The following RNLS variants were observed in gnomAD, a reference collection of about 807,000 sequenced individuals.
The protein encoded by RNLS is renalase, FAD dependent amine oxidase.
A neutral mutation model predicts 39.8 loss-of-function variants in RNLS; 39 were observed. The observed-to-expected ratio is 0.98, with a 90% CI of 0.76 to 1.28. The LOEUF (loss-of-function observed/expected upper bound fraction) is 1.28. Ranked by LOEUF, RNLS falls within the 50% of genes most tolerant of loss-of-function variation. The pLI is 0.00. For synonymous variants in RNLS, 147 were observed against 150.7 expected (o/e 0.98, Z 0.18); for missense variants, 410 against 413.3 (o/e 0.99, Z 0.07).
At chr10:88,541,680 C>T (rs1848050566) in intron 4 of RNLS, among the ~76,000 whole-genome samples, 1 of 152,156 alleles carries the variant, frequency 6.6e-6, no homozygotes, top group South Asian at 2.1e-4. Context: ...AGACAGTTGA[C>T]TCTACCAATG....
intron 5 of RNLS, among the ~76,000 whole-genome samples, chr10:88,334,493 A>G (rs1679908451): frequency 6.6e-6 from 1 of 152,144 alleles, no homozygotes; most frequent in Admixed American, 6.5e-5. Context: ...CCAACCTATC[A>G]AGCCTGACTC....
chr10:88,398,681 A>C (rs2133623551), intron 4 of RNLS, among the ~76,000 whole-genome samples: 1 of 152,142 alleles, frequency 6.6e-6, no homozygotes, highest in African/African-American at 2.4e-5. Context: ...CAAAAACTAT[A>C]AGACTCTTAG....
rs573329734 is a variant in RNLS at position 88,316,151 on chromosome 10, C to T, written c.701-1510G>A. ...ATATACGAGGTGAGGGACCTGAATT[C>T]AGAATTTGTGCAGTAAATGCAATGG... On this transcript the variant is annotated intron_variant, in intron 5 of 6. Coordinates refer to ENST00000331772, the MANE Select transcript of RNLS (RefSeq NM_001031709.3). Among the ~76,000 whole-genome samples, 28 of 152,250 alleles carry T rather than the reference C, an allele frequency of 1.8e-4. No homozygotes were observed. The East Asian group carries it at 5.0e-3, about 27-fold the overall frequency.
downstream of RNLS, among the ~76,000 whole-genome samples, chr10:88,269,823 T>C (rs1183986649): frequency 1.3e-5 from 2 of 152,196 alleles, no homozygotes; most frequent in Non-Finnish European, 2.9e-5. Flanking sequence ...TCTATGACTA[T>C]AGCACAGTTT....
intron 4 of RNLS, among the ~76,000 whole-genome samples, chr10:88,516,227 T>C (rs181986622): frequency 9.9e-4 from 150 of 152,002 alleles, no homozygotes; most frequent in Middle Eastern, 3.4e-3. Flanking sequence ...TTAGAAGATA[T>C]AGAAGGAAAA....
At position 88,583,290 on chromosome 10, in the gene RNLS, T is replaced by G; in HGVS notation, c.-100A>C. ...CGAACCGGCGCTAGCGCTCTTTGGTTCCGTGCTCCCTGGGCCGACCTGGGC... is the reference window on the plus strand; with the variant it reads ...CGAACCGGCGCTAGCGCTCTTTGGTGCCGTGCTCCCTGGGCCGACCTGGGC... On this transcript the variant is annotated 5_prime_UTR_variant, in exon 1 of 7. Coordinates refer to ENST00000331772, the MANE Select transcript of RNLS (RefSeq NM_001031709.3). 6.5e-7 allele frequency: 1 copy of G among 1,541,586 alleles called. No individual in the cohort carries two copies. Among genetic ancestry groups the G allele is most frequent in the Non-Finnish European group, 8.7e-7 (1 of 1,151,610 alleles).
chr10:88,248,401 A>G, the RNLS span, among the ~76,000 whole-genome samples: 3 of 152,218 alleles, frequency 2.0e-5, no homozygotes, highest in Non-Finnish European at 4.4e-5. Context: ...AGTATTAGAT[A>G]GTTCACAGAA....
intron 5 of RNLS, among the ~76,000 whole-genome samples, chr10:88,317,560 G>T (rs980212859): frequency 2.6e-5 from 4 of 152,140 alleles, no homozygotes; most frequent in African/African-American, 7.2e-5. Context: ...TGATTTTTTT[G>T]TGTGTGTTTC....
intron 4 of RNLS, among the ~76,000 whole-genome samples, chr10:88,543,930 C>A (rs1848169021): frequency 6.6e-6 from 1 of 152,084 alleles, no homozygotes; most frequent in South Asian, 2.1e-4. Context: ...ACACTATATT[C>A]AAAATAGAAA....
chr10:88,292,575 TAA>T lies in RNLS; in HGVS notation c.877-7071_877-7070del, dbSNP rs57247036. Among the ~76,000 whole-genome samples, 932 of 136,258 alleles carry T rather than the reference TAA, an allele frequency of 6.8e-3. 6 individuals carry two copies. The highest frequency in any genetic ancestry group is 0.024 in the African/African-American group (869 of 36,742). The allele number at this position is 136,258 out of a possible 152,430, so 89.4% of individuals were successfully genotyped here. A position where few individuals can be genotyped will look rare whatever the true frequency, so the allele number is the denominator to read the frequency against. On this transcript the variant is annotated intron_variant, in intron 6 of 6. Transcript: ENST00000331772. ...CAACTGCATACAAGGTAACTCACATTAAAAAAAAAAAAAAAACCTAGTTGCAA... is the reference window on the plus strand; with the variant it reads ...CAACTGCATACAAGGTAACTCACATTAAAAAAAAAAAAAACCTAGTTGCAA...
chr10:88,541,505 A>T (rs974945970), intron 4 of RNLS, among the ~76,000 whole-genome samples: 18 of 152,174 alleles, frequency 1.2e-4, no homozygotes, highest in Admixed American at 8.5e-4. Context: ...TGACACATTC[A>T]ACCCCTTTGG....
chr10:88,276,694 G>C (rs1044305244), intron 6 of RNLS, among the ~76,000 whole-genome samples: 12 of 152,222 alleles, frequency 7.9e-5, no homozygotes, highest in African/African-American at 2.6e-4. Context: ...AGATGAAAGT[G>C]CCATTTTGCA....
At chr10:88,351,936 C>A (rs1221094125) in intron 5 of RNLS, among the ~76,000 whole-genome samples, 9 of 152,084 alleles carry the variant, frequency 5.9e-5, no homozygotes, top group African/African-American at 1.9e-4. Flanking sequence ...TGTAAGTTGG[C>A]TTCCTAGTAT....
the RNLS span, among the ~76,000 whole-genome samples, chr10:88,225,178 T>C: frequency 6.6e-6 from 1 of 152,322 alleles, no homozygotes; most frequent in Non-Finnish European, 1.5e-5. Flanking sequence ...TCCTACTATC[T>C]CAGTGATGAG....
At chr10:88,303,916 C>G (rs1755687937) in intron 6 of RNLS, among the ~76,000 whole-genome samples, 1 of 152,192 alleles carries the variant, frequency 6.6e-6, no homozygotes. Context: ...ATGTGGTGAA[C>G]ACTCACAGGG....
At chr10:88,243,066 T>C in the RNLS span, among the ~76,000 whole-genome samples, 1 of 152,194 alleles carries the variant, frequency 6.6e-6, no homozygotes, top group African/African-American at 2.4e-5. Flanking sequence ...GTCTCATCAG[T>C]AAAACAGTGA....
intron 4 of RNLS, among the ~76,000 whole-genome samples, chr10:88,412,439 C>T (rs1853729915): frequency 6.6e-6 from 1 of 152,014 alleles, no homozygotes; most frequent in African/African-American, 2.4e-5. Context: ...ATGAGATCTA[C>T]ACTAATATCT....
intron 5 of RNLS, among the ~76,000 whole-genome samples, chr10:88,355,431 C>T (rs1363024429): frequency 6.6e-6 from 1 of 152,174 alleles, no homozygotes; most frequent in African/African-American, 2.4e-5. Flanking sequence ...TTCCTTCTAA[C>T]AGTCAGGACC....
intron 4 of RNLS, among the ~76,000 whole-genome samples, chr10:88,513,180 A>C (rs1846230109): frequency 6.6e-6 from 1 of 152,154 alleles, no homozygotes; most frequent in Non-Finnish European, 1.5e-5. Flanking sequence ...ACAGCCTTTC[A>C]GAGCCATTAT....
Sources: allele counts gnomAD v4.1 joint callset (sites outside exome capture counted in the v4.1 genomes callset), GRCh38; gene constraint gnomAD v4.1.1; transcripts MANE v1.5; gene names NCBI Gene and HGNC (gene_info 2026-07-23, HGNC 2026-07-21).